Variants in GNAS observed in about 807,000 individuals in gnomAD.
GNAS encodes GNAS complex locus, also known as protein ALEX.
Under a neutral mutation model 54.5 loss-of-function variants are expected in GNAS, and 8 were observed. The observed-to-expected ratio is 0.15, with a 90% confidence interval of 0.09 to 0.26. The LOEUF is 0.26. GNAS is among the 10% of genes least tolerant of loss of function. The pLI, the probability that GNAS is intolerant of heterozygous loss-of-function variation, is 1.00. For missense variants in GNAS, 170 were observed against 529.8 expected, an observed-to-expected ratio of 0.32 and a Z score of 6.67; for synonymous variants, 204 against 191.4, an observed-to-expected ratio of 1.07 and a Z score of -0.54.
At chr20:58,846,287 G>A (rs1217480261) in intron 1 of GNAS, among the ~76,000 whole-genome samples, 1 of 152,140 alleles carries the variant, frequency 6.6e-6, no homozygotes, top group African/African-American at 2.4e-5. Context: ...CAAGTATCTG[G>A]TGGCTAAGGG....
intron 1 of GNAS, chr20:58,854,479 G>A (rs1278928274): frequency 6.3e-7 from 1 of 1,584,378 alleles, no homozygotes; most frequent in African/African-American, 1.4e-5. Context: ...CCTGACTCCG[G>A]GGCAACCCCA....
Position 58,891,524 on chromosome 20 carries a change from C to T in GNAS, c.-203C>T. 2.0e-6 allele frequency: 2 copies of T among 976,122 alleles called. No homozygotes were observed. Among genetic ancestry groups the T allele is most frequent in the Non-Finnish European group, 2.4e-6 (2 of 824,518 alleles). 60.5% of individuals were successfully genotyped at this position (976,122 alleles called of 1,614,324 possible). On this transcript the variant is annotated 5_prime_UTR_variant, in exon 1 of 13. Transcript: ENST00000371085. ...CGGGGAGCTGCGCGCGCCCCTCGGT[C>T]CGACCGACACCCTCCCCTTCCCGCC...
chr20:58,859,085 A>G (rs550762416), intron 1 of GNAS, among the ~76,000 whole-genome samples: 7 of 152,358 alleles, frequency 4.6e-5, no homozygotes, highest in Admixed American at 1.3e-4. Flanking sequence ...GTTTTAAGCA[A>G]AAAGAATTGG....
chr20:58,892,182 C>T (rs149160812), intron 1 of GNAS: 17,532 of 974,002 alleles, frequency 0.018, 188 homozygotes, highest in Middle Eastern at 0.029. Flanking sequence ...TCTTTTTCCG[C>T]GAGGCCTACA....
intron 1 of GNAS, chr20:58,842,238 T>G (rs1372331886): frequency 2.5e-6 from 1 of 398,302 alleles, no homozygotes; most frequent in Admixed American, 4.4e-5. Flanking sequence ...GACTGATAAG[T>G]GAAATGTCTT....
intron 1 of GNAS, among the ~76,000 whole-genome samples, chr20:58,866,117 C>T (rs1017640128): frequency 6.6e-6 from 1 of 152,300 alleles, no homozygotes; most frequent in South Asian, 2.1e-4. Flanking sequence ...TTCCCCAAAA[C>T]AACAGCAGAG....
intron 1 of GNAS, among the ~76,000 whole-genome samples, chr20:58,860,790 A>C (rs1397389456): frequency 6.6e-6 from 1 of 152,102 alleles, no homozygotes; most frequent in Admixed American, 6.6e-5. Context: ...CCTCTCGAAT[A>C]GCTGGGATTA....
intron 6 of GNAS, 72 bp downstream of exon 6, chr20:58,905,552 C>A: frequency 2.3e-6 from 2 of 886,686 alleles, no homozygotes; most frequent in South Asian, 1.3e-5. Context: ...ACCTGTGATC[C>A]TGCTTTGAAA....
Position 58,908,942 on chromosome 20 carries a change from TA to T in GNAS, c.531-216del, listed in dbSNP as rs1400277826. 4.2e-5 allele frequency: 28 copies of T among 670,260 alleles called. No individual in the cohort carries two copies. In the East Asian group the frequency reaches 7.4e-4, roughly 18 times the overall value. 41.5% of individuals were successfully genotyped at this position (670,260 alleles called of 1,614,324 possible). ...GACGCATCTAGAGTTCCCTGATTCCTAAAATTATTTATCTTAAATCCTGTTT... is the reference window on the plus strand; with the variant it reads ...GACGCATCTAGAGTTCCCTGATTCCTAAATTATTTATCTTAAATCCTGTTT... On this transcript the variant is annotated intron_variant, in intron 6 of 12. Transcript: ENST00000371085.
At chr20:58,854,738 G>C in intron 1 of GNAS, 1 of 1,539,212 alleles carries the variant, frequency 6.5e-7, no homozygotes, top group Non-Finnish European at 8.7e-7. Flanking sequence ...CCCCAGCTGC[G>C]CCAGACGCAG....
chr20:58,840,664 G>A (rs1426201349), upstream of GNAS: 1 of 1,605,356 alleles, frequency 6.2e-7, no homozygotes, highest in East Asian at 2.2e-5. This position sits in a 1 kb window ranked among gnomAD's most constrained non-coding sequence, Gnocchi z 6.0. Context: ...AGGAGCCCCA[G>A]AGCCCCAGGG....
chr20:58,903,084 CTCAG>C (rs2090775306), intron 3 of GNAS: 3 of 333,806 alleles, frequency 9.0e-6, no homozygotes, highest in South Asian at 7.4e-5. Flanking sequence ...CACTGGTTCT[CTCAG>C]TATGCTAGCA....
upstream of GNAS, chr20:58,891,153 C>G (rs1014801126): frequency 6.7e-6 from 1 of 149,238 alleles, no homozygotes; most frequent in African/African-American, 2.5e-5. Context: ...CTCCCCGGCC[C>G]GTCCCGTCCC....
upstream of GNAS, among the ~76,000 whole-genome samples, chr20:58,890,172 G>A (rs1230786502): frequency 2.0e-5 from 3 of 151,760 alleles, no homozygotes; most frequent in Non-Finnish European, 2.9e-5. Context: ...GAAGGAGAAG[G>A]AGAGGAAGAA....
upstream of GNAS, chr20:58,890,679 G>A (rs908608828): frequency 6.6e-6 from 1 of 151,866 alleles, no homozygotes; most frequent in African/African-American, 2.4e-5. Flanking sequence ...CGGGGCCAGA[G>A]GCGCCTTCGG....
At chr20:58,901,841 G>A (rs1024090509) in intron 3 of GNAS, among the ~76,000 whole-genome samples, 2 of 92,410 alleles carry the variant, frequency 2.2e-5, no homozygotes, top group African/African-American at 4.5e-5. Context: ...GTCCGTCCCC[G>A]CCCCCCACCC....
intron 1 of GNAS, among the ~76,000 whole-genome samples, chr20:58,848,301 C>T (rs2086016026): frequency 1.3e-5 from 2 of 152,236 alleles, no homozygotes; most frequent in South Asian, 2.1e-4. Context: ...CCCTACACTC[C>T]AGCACACAGC....
At chr20:58,864,127 A>G (rs1260079384) in intron 1 of GNAS, 1 of 152,204 alleles carries the variant, frequency 6.6e-6, no homozygotes, top group Non-Finnish European at 1.5e-5. Context: ...GAAAAAAATG[A>G]AAACAGGAAA....
In GNAS at chr20:58,910,321, C is replaced by T; in HGVS notation, c.971-13C>T. 3 of 1,588,738 alleles carry T rather than the reference C, an allele frequency of 1.9e-6. No homozygotes were observed. The highest frequency in any genetic ancestry group is 2.6e-6 in the Non-Finnish European group (3 of 1,156,926). On this transcript the variant is annotated splice_polypyrimidine_tract_variant and intron_variant, in intron 11 of 12. Coordinates refer to ENST00000371085, the MANE Select transcript of GNAS (RefSeq NM_000516.7). The surrounding 1 kb of genome is among the most constrained non-coding windows in gnomAD (Gnocchi z 5.8). Reference sequence around the variant, plus strand: ...TTTTAAATTACATTAATATGTATTCCCTTTTTATATAGCTACTCCCGAGCC... The same window carrying T: ...TTTTAAATTACATTAATATGTATTCTCTTTTTATATAGCTACTCCCGAGCC...
Sources: allele counts gnomAD v4.1 joint callset (sites outside exome capture counted in the v4.1 genomes callset), GRCh38; gene constraint gnomAD v4.1.1; non-coding constraint Gnocchi (gnomAD v3.1); transcripts MANE v1.5; gene names NCBI Gene and HGNC (gene_info 2026-07-23, HGNC 2026-07-21).